The following AGPS variants were observed in gnomAD, a reference collection of about 807,000 sequenced individuals.
AGPS encodes alkyldihydroxyacetonephosphate synthase, peroxisomal.
A neutral mutation model predicts 90.7 loss-of-function variants in AGPS; 26 were observed. The ratio of observed to expected loss-of-function variants is 0.29; its 90% CI spans 0.21 to 0.40. The LOEUF (loss-of-function observed/expected upper bound fraction) is 0.40, where lower values mean the gene tolerates loss of function less well. Among genes scored for constraint, AGPS ranks in the 10% least tolerant of loss-of-function variants. AGPS has a pLI of 1.00. For synonymous variants in AGPS, 294 were observed against 285.3 expected (o/e 1.03, Z -0.31); for missense variants, 540 against 816.1 (o/e 0.66, Z 4.12).
chr2:177,509,145 G>C (rs1257158379), intron 16 of AGPS, among the ~76,000 whole-genome samples: 1 of 152,048 alleles, frequency 6.6e-6, no homozygotes, highest in Non-Finnish European at 1.5e-5. Flanking sequence ...TCTACATGCA[G>C]TCATCATCTA....
At chr2:177,409,225 T>C (rs911779367) in intron 1 of AGPS, among the ~76,000 whole-genome samples, 27 of 131,424 alleles carry the variant, frequency 2.1e-4, no homozygotes, top group South Asian at 1.8e-3. Flanking sequence ...ACTACTGTTT[T>C]GTTTTGTTTT....
chr2:177,473,418 CAT>C (rs1349215709), intron 10 of AGPS, among the ~76,000 whole-genome samples: 4 of 151,974 alleles, frequency 2.6e-5, no homozygotes, highest in African/African-American at 9.7e-5. Flanking sequence ...TGAGAACAAA[CAT>C]ATTTGAAAAT....
intron 19 of AGPS, among the ~76,000 whole-genome samples, chr2:177,532,601 G>C (rs1451915402): frequency 1.3e-5 from 2 of 152,090 alleles, no homozygotes; most frequent in Non-Finnish European, 2.9e-5. Flanking sequence ...CCCAGCAAAT[G>C]CACATGTGAG....
At chr2:177,427,099 GTC>G (rs1386576371) in intron 2 of AGPS, among the ~76,000 whole-genome samples, 1 of 152,144 alleles carries the variant, frequency 6.6e-6, no homozygotes, top group Non-Finnish European at 1.5e-5. Flanking sequence ...GGGTGTATAT[GTC>G]CAGGAACTTA....
intron 9 of AGPS, among the ~76,000 whole-genome samples, chr2:177,465,969 C>T (rs983762902): frequency 1.8e-4 from 27 of 152,300 alleles, no homozygotes; most frequent in African/African-American, 6.3e-4. Context: ...ATGAGGTATG[C>T]GGACAAGTGG....
chr2:177,402,795 G>A lies in AGPS; in HGVS notation c.260+9746G>A, dbSNP rs186732558. Among the ~76,000 whole-genome samples the A allele has an allele frequency of 3.0e-3, 459 of 152,232 alleles. 4 individuals are homozygous for A. Among genetic ancestry groups the A allele is most frequent in the African/African-American group, 0.01 (429 of 41,542 alleles). Reference sequence around the variant, plus strand: ...CTACTGGCTGGCCGCGGTGGCTCACGCCTGTAATCCCAGCACTTTGGGAGG... The same window carrying A: ...CTACTGGCTGGCCGCGGTGGCTCACACCTGTAATCCCAGCACTTTGGGAGG... On this transcript the variant is annotated intron_variant, in intron 1 of 19. Transcript: ENST00000264167.
At chr2:177,478,829 A>G (rs1687862576) in intron 10 of AGPS, among the ~76,000 whole-genome samples, 1 of 151,576 alleles carries the variant, frequency 6.6e-6, no homozygotes, top group Admixed American at 6.6e-5. Context: ...GGGGAGCGCA[A>G]GAGGGGTCCT....
intron 12 of AGPS, 68 bp from the exon 13 acceptor site, chr2:177,497,621 G>A (rs1325599186): frequency 2.5e-6 from 2 of 797,598 alleles, no homozygotes; most frequent in East Asian, 5.5e-5. Context: ...ATTCTAAGTT[G>A]GAGTAGCTTC....
rs146858387 is a variant in AGPS at position 177,520,755 on chromosome 2, G to A, written c.1698-514G>A. ...AGTGTTACTTTTATTGTCAAGATAT[G>A]TATGTTTTTAAGTAATTTTGTTAAA... On this transcript the variant is annotated intron_variant, in intron 17 of 19. Transcript: ENST00000264167. Among the ~76,000 whole-genome samples the A allele has an allele frequency of 3.2e-3, 484 of 152,272 alleles. 1 individual carries two copies. Among genetic ancestry groups the A allele is most frequent in the Middle Eastern group, 6.8e-3 (2 of 294 alleles).
chr2:177,403,469 C>A (rs1436068204), intron 1 of AGPS, among the ~76,000 whole-genome samples: 1 of 152,128 alleles, frequency 6.6e-6, no homozygotes, highest in Non-Finnish European at 1.5e-5. Flanking sequence ...GCAGTTTGCT[C>A]TAGTAATGAT....
Position 177,541,377 on chromosome 2 carries a change from C to G in AGPS, c.*3182C>G, listed in dbSNP as rs887456518. On this transcript the variant is annotated 3_prime_UTR_variant, in exon 20 of 20. Transcript: ENST00000264167. ...TTAACTGTAGCTTATCAGAGAAGCT[C>G]TGTAGTCCTACACTGAAGTGTGTTC... is the stretch of plus-strand genomic sequence containing the variant. The G allele has an allele frequency of 4.6e-5, 7 of 152,124 alleles. No individual in the cohort carries two copies. Among genetic ancestry groups the G allele is most frequent in the Non-Finnish European group, 1.0e-4 (7 of 68,014 alleles). 9.4% of individuals were successfully genotyped at this position (152,124 alleles called of 1,614,324 possible).
At chr2:177,491,415 T>TGTC (rs932767905) in intron 11 of AGPS, among the ~76,000 whole-genome samples, 29 of 150,190 alleles carry the variant, frequency 1.9e-4, no homozygotes, top group Middle Eastern at 6.9e-3. Flanking sequence ...TGTGCCACCA[T>TGTC]GTCTGACTAA....
intron 8 of AGPS, among the ~76,000 whole-genome samples, chr2:177,447,833 A>T (rs1481209863): frequency 6.6e-6 from 1 of 152,074 alleles, no homozygotes; most frequent in Non-Finnish European, 1.5e-5. Flanking sequence ...TTCAGATTCT[A>T]CTTCAGTTGA....
At position 177,429,919 on chromosome 2, in the gene AGPS, C is replaced by T. The variant is rs185680123; in HGVS notation, c.351-4408C>T. On this transcript the variant is annotated intron_variant, in intron 2 of 19. Transcript: ENST00000264167. Reference sequence around the variant, plus strand: ...TGAGTCAACTGAACTGCAGAGACATCGGCTGTGTCTCCCCCAAGGGGCTCT... The same window carrying T: ...TGAGTCAACTGAACTGCAGAGACATTGGCTGTGTCTCCCCCAAGGGGCTCT... Among the ~76,000 whole-genome samples the T allele has an allele frequency of 1.5e-3, 222 of 152,290 alleles. 1 individual carries two copies. Among genetic ancestry groups the T allele is most frequent in the African/African-American group, 4.8e-3 (201 of 41,566 alleles).
chr2:177,468,978 A>G (rs1687535273), intron 10 of AGPS, among the ~76,000 whole-genome samples: 1 of 152,118 alleles, frequency 6.6e-6, no homozygotes, highest in South Asian at 2.1e-4. Flanking sequence ...CATATATTTT[A>G]AACTTTTGTT....
chr2:177,493,615 A>G (rs953384261), intron 12 of AGPS, among the ~76,000 whole-genome samples: 4 of 152,154 alleles, frequency 2.6e-5, no homozygotes, highest in African/African-American at 4.8e-5. Flanking sequence ...GGGACTTCAA[A>G]TTGTTCTATG....
chr2:177,485,332 A>G (rs1288733463), intron 11 of AGPS, among the ~76,000 whole-genome samples: 1 of 152,224 alleles, frequency 6.6e-6, no homozygotes, highest in Non-Finnish European at 1.5e-5. Context: ...AATTTCATTA[A>G]TAAGAAGTGA....
At chr2:177,509,886 C>A (rs1022720970) in intron 16 of AGPS, among the ~76,000 whole-genome samples, 4 of 152,014 alleles carry the variant, frequency 2.6e-5, no homozygotes, top group Admixed American at 2.6e-4. Flanking sequence ...TTGTTTTTTT[C>A]CACAGGACTA....
chr2:177,436,054 A>C (rs1304797443), intron 3 of AGPS, among the ~76,000 whole-genome samples: 1 of 152,112 alleles, frequency 6.6e-6, no homozygotes, highest in Non-Finnish European at 1.5e-5. Context: ...GTTTTAAAGC[A>C]GCTCTATAAA....
Sources: gnomAD v4.1 joint callset for allele counts (sites outside exome capture counted in the v4.1 genomes callset) on GRCh38, gnomAD v4.1.1 for gene constraint, MANE v1.5 for transcripts, NCBI Gene and HGNC (gene_info 2026-07-23, HGNC 2026-07-21) for gene names.